PCDHA3: variants seen among roughly 807,000 people sequenced by gnomAD.
The protein encoded by PCDHA3 is protocadherin alpha-3.
Under a neutral mutation model 62.2 loss-of-function variants are expected in PCDHA3, and 41 were observed. That is an observed-to-expected ratio of 0.66 (90% CI 0.51 to 0.86). PCDHA3 has a LOEUF of 0.86. PCDHA3 is among the 40% of genes least tolerant of loss of function. PCDHA3 has a pLI of 0.00. For missense variants in PCDHA3, 1,304 were observed against 1,241.2 expected (o/e 1.05, Z -0.76); for synonymous variants, 640 against 555.4 (o/e 1.15, Z -2.14).
At chr5:140,890,776 A>G (rs1554184541) in intron 1 of PCDHA3, among the ~76,000 whole-genome samples, 1 of 152,316 alleles carries the variant, frequency 6.6e-6, no homozygotes, top group Non-Finnish European at 1.5e-5. Flanking sequence ...TTAAAACCCC[A>G]TAAGATATTA....
At chr5:140,882,488 C>T in intron 1 of PCDHA3, 6 of 1,614,074 alleles carry the variant, frequency 3.7e-6, no homozygotes, top group South Asian at 1.1e-5. Context: ...ACACGGGGAC[C>T]TTCTGGAGGT....
intron 1 of PCDHA3, among the ~76,000 whole-genome samples, chr5:140,855,633 AT>A (rs1445956184): frequency 6.7e-6 from 1 of 149,874 alleles, no homozygotes; most frequent in Non-Finnish European, 1.5e-5. Flanking sequence ...AAATTCGGCT[AT>A]TGATAATCAT....
At chr5:140,821,842 T>C (rs2150111141) in intron 1 of PCDHA3, 2 of 1,614,060 alleles carry the variant, frequency 1.2e-6, no homozygotes, top group African/African-American at 1.3e-5. Context: ...CCTTGCCTAC[T>C]GGAAGGCAGG....
At chr5:140,987,990 C>T (rs57614084) in intron 3 of PCDHA3, among the ~76,000 whole-genome samples, 1 of 152,190 alleles carries the variant, frequency 6.6e-6, no homozygotes, top group African/African-American at 2.4e-5. Context: ...GACTCCATCT[C>T]TGATCCTTCC....
chr5:140,927,099 T>G lies in PCDHA3; in HGVS notation c.2395-51850T>G, dbSNP rs782352775. 10 of 1,613,434 alleles carry G rather than the reference T, an allele frequency of 6.2e-6. No homozygotes were observed. In the South Asian group the frequency reaches 7.7e-5, roughly 12 times the overall value. On this transcript the variant is annotated intron_variant, in intron 1 of 3. Coordinates refer to ENST00000522353, the MANE Select transcript of PCDHA3 (RefSeq NM_018906.3). The stretch of plus-strand genomic sequence containing the variant: ...ACCGCGAGCTCTACTTCGGGGTGGA[T>G]CTACCCAGCGGCAATTTGGTGGTCA...
chr5:140,868,272 A>C (rs1050467999), intron 1 of PCDHA3: 1 of 152,090 alleles, frequency 6.6e-6, no homozygotes, highest in Non-Finnish European at 1.5e-5. Context: ...CTTTTTTAAA[A>C]CTACCAAGTT....
chr5:140,961,770 A>C, intron 1 of PCDHA3, among the ~76,000 whole-genome samples: 1 of 152,206 alleles, frequency 6.6e-6, no homozygotes, highest in East Asian at 1.9e-4. Flanking sequence ...ATTTATATCA[A>C]GCTTAATGGC....
At chr5:141,007,395 C>CAAAA (rs35800918) in intron 3 of PCDHA3, among the ~76,000 whole-genome samples, 7 of 94,852 alleles carry the variant, frequency 7.4e-5, no homozygotes, top group East Asian at 2.9e-4. Context: ...TACTAAAATA[C>CAAAA]AAAAAAAAAA....
Position 140,803,160 on chromosome 5 carries a change from G to A in PCDHA3, c.1963G>A (p.Gly655Ser). 6.2e-7 allele frequency: 1 copy of A among 1,613,870 alleles called. No homozygotes were observed. Among genetic ancestry groups the A allele is most frequent in the Non-Finnish European group, 8.5e-7 (1 of 1,179,934 alleles). ...CCTACTGGTGCTGGTGAAGGACCACGGTGAACCCTCATTGACCGCCACGGC... is the reference window on the plus strand; with the variant it reads ...CCTACTGGTGCTGGTGAAGGACCACAGTGAACCCTCATTGACCGCCACGGC... ...HRLLVLVKDHGEPSLTATATV... is the reference protein window; with the variant it reads ...HRLLVLVKDHSEPSLTATATV... Residue 655 changes from glycine to serine, a missense_variant, in exon 1 of 4, where the codon GGT (glycine) becomes AGT (serine). Physicochemically the swap from Gly to Ser is moderately conservative, Grantham distance 56. Transcript: ENST00000522353.
chr5:140,872,595 C>T (rs1048527578), intron 1 of PCDHA3, among the ~76,000 whole-genome samples: 1 of 152,102 alleles, frequency 6.6e-6, no homozygotes, highest in African/African-American at 2.4e-5. Context: ...AGACCCCCAT[C>T]TGAAAAAATA....
At chr5:140,990,134 CAA>C (rs2097375582) in intron 3 of PCDHA3, among the ~76,000 whole-genome samples, 2 of 151,958 alleles carry the variant, frequency 1.3e-5, no homozygotes, top group Non-Finnish European at 2.9e-5. Flanking sequence ...AAGTCAGACT[CAA>C]GAGGCATAAT....
At chr5:140,836,287 G>T in intron 1 of PCDHA3, 2 of 1,613,786 alleles carry the variant, frequency 1.2e-6, no homozygotes, top group Non-Finnish European at 8.5e-7. Flanking sequence ...AGCACGACAC[G>T]AGCCCTAGAT....
intron 1 of PCDHA3, chr5:140,850,022 A>T (rs2150463810): frequency 4.4e-6 from 7 of 1,596,794 alleles, no homozygotes; most frequent in Non-Finnish European, 6.0e-6. Context: ...GCTACGTGTC[A>T]GTGCACGCGG....
At position 140,845,557 on chromosome 5, in the gene PCDHA3, G is replaced by A. The variant is rs1355762380; in HGVS notation, c.2394+41966G>A. Reference sequence around the variant, plus strand: ...TATTCTAATTATGGTGATGCTTTTAGCTATTAAGAATTTCTGGGATTGAAA... The same window carrying A: ...TATTCTAATTATGGTGATGCTTTTAACTATTAAGAATTTCTGGGATTGAAA... On this transcript the variant is annotated intron_variant, in intron 1 of 3. Transcript: ENST00000522353. Among the ~76,000 whole-genome samples, 5 of 149,294 alleles carry A rather than the reference G, an allele frequency of 3.3e-5. 1 individual carries two copies. The highest frequency in any genetic ancestry group is 1.2e-4 in the African/African-American group (5 of 40,778).
intron 1 of PCDHA3, chr5:140,884,705 C>G (rs1156324848): frequency 3.4e-6 from 5 of 1,491,236 alleles, no homozygotes; most frequent in African/African-American, 1.4e-5. Flanking sequence ...AACACTTTAG[C>G]CTTCCTTGCA....
intron 1 of PCDHA3, among the ~76,000 whole-genome samples, chr5:140,952,280 G>A (rs1320502466): frequency 2.0e-5 from 3 of 151,652 alleles, no homozygotes; most frequent in Non-Finnish European, 4.4e-5. Context: ...TGAGGGTGGT[G>A]GCCCTCTTCT....
At chr5:140,994,657 A>G (rs2097643468) in intron 3 of PCDHA3, among the ~76,000 whole-genome samples, 1 of 152,166 alleles carries the variant, frequency 6.6e-6, no homozygotes, top group Non-Finnish European at 1.5e-5. Flanking sequence ...GTGAGCTGAG[A>G]TCACACTACT....
chr5:140,997,672 GTGT>G (rs1226412114), intron 3 of PCDHA3, among the ~76,000 whole-genome samples: 3 of 148,192 alleles, frequency 2.0e-5, no homozygotes, highest in African/African-American at 7.5e-5. Context: ...TACAGCTTGT[GTGT>G]GTGTGTGTGT....
rs113142258 is a variant in PCDHA3, at chr5:140,939,756, T to C, written c.2395-39193T>C. 3.3e-3 allele frequency among the ~76,000 whole-genome samples: 504 copies of C among 152,358 alleles called. 2 individuals carry two copies. Among genetic ancestry groups the C allele is most frequent in the African/African-American group, 0.012 (483 of 41,584 alleles). Reference sequence around the variant, plus strand: ...AGCTGTGTATCATTCATTGTCATTATATAGTATTTCAGGGTGTGAATGGTC... The same window carrying C: ...AGCTGTGTATCATTCATTGTCATTACATAGTATTTCAGGGTGTGAATGGTC... On this transcript the variant is annotated intron_variant, in intron 1 of 3. Transcript: ENST00000522353.
Sources: allele counts gnomAD v4.1 joint callset (sites outside exome capture counted in the v4.1 genomes callset), GRCh38; gene constraint gnomAD v4.1.1; transcripts MANE v1.5; gene names NCBI Gene and HGNC (gene_info 2026-07-23, HGNC 2026-07-21).